Variants in HEATR6 observed in about 807,000 individuals in gnomAD.
HEATR6 encodes the protein HEAT repeat containing 6, also known as HEAT repeat-containing protein 6.
A neutral mutation model predicts 132.8 loss-of-function variants in HEATR6; 106 were observed. That is an observed-to-expected ratio of 0.80 (90% CI 0.68 to 0.94). HEATR6 has a LOEUF of 0.94. Ranked by LOEUF, HEATR6 falls within the 40% of genes least tolerant of loss-of-function variation. The pLI is 0.00. For synonymous variants in HEATR6, 529 were observed against 537.8 expected, an observed-to-expected ratio of 0.98 and a Z score of 0.23; for missense variants, 1,339 against 1,425.1, an observed-to-expected ratio of 0.94 and a Z score of 0.97.
At chr17:60,070,637 G>T in intron 6 of HEATR6, 69 bp downstream of exon 6, 1 of 847,358 alleles carries the variant, frequency 1.2e-6, no homozygotes, top group Non-Finnish European at 2.0e-6. Context: ...TTAGAATAAG[G>T]ATGTAAAGTG....
At position 60,043,917 on chromosome 17, in the gene HEATR6, G is replaced by A; in HGVS notation, c.3192C>T (p.Tyr1064=). 2 of 1,614,118 alleles carry A rather than the reference G, an allele frequency of 1.2e-6. No homozygotes were observed. Among genetic ancestry groups the A allele is most frequent in the Non-Finnish European group, 8.5e-7 (1 of 1,179,996 alleles). Reference sequence around the variant, plus strand: ...AGATTTGGGTCCGTAGGCTGACACAGTACTTGAATTCCAAAAAGTCTATGG... The same window carrying A: ...AGATTTGGGTCCGTAGGCTGACACAATACTTGAATTCCAAAAAGTCTATGG... The part of the protein sequence containing the change: ...EDTIDFLEFK[Y]CVSLRTQICQ... Residue 1064 remains tyrosine, a synonymous_variant, in exon 20 of 20, where the codon TAC becomes TAT. Coordinates refer to ENST00000184956, the MANE Select transcript of HEATR6 (RefSeq NM_022070.5).
intron 17 of HEATR6, among the ~76,000 whole-genome samples, chr17:60,048,002 T>C (rs2145180327): frequency 6.6e-6 from 1 of 152,362 alleles, no homozygotes; most frequent in East Asian, 1.9e-4. Flanking sequence ...GGTTTTGCTT[T>C]TATGTTTTCT....
At chr17:60,055,726 C>T (rs1317374867) in intron 13 of HEATR6, 125 bp from the exon 14 acceptor site, 1 of 583,454 alleles carries the variant, frequency 1.7e-6, no homozygotes, top group Non-Finnish European at 3.0e-6. Context: ...CACCTTCACT[C>T]GAGTGACACC....
intron 7 of HEATR6, 100 bp from the exon 8 acceptor site, chr17:60,067,832 C>A: frequency 1.1e-6 from 1 of 916,372 alleles, no homozygotes; most frequent in Non-Finnish European, 1.6e-6. Flanking sequence ...AATATGTCCC[C>A]AACATGTAGT....
At chr17:60,048,961 A>AAAAT (rs141340152) in intron 16 of HEATR6, among the ~76,000 whole-genome samples, 30 of 103,028 alleles carry the variant, frequency 2.9e-4, no homozygotes, top group African/African-American at 1.7e-3. Context: ...TTAAAAATTA[A>AAAAT]AAATAAATAA....
chr17:60,073,629 G>C, intron 3 of HEATR6, 117 bp downstream of exon 3: 4 of 950,594 alleles, frequency 4.2e-6, no homozygotes, highest in Non-Finnish European at 6.4e-6. Flanking sequence ...ACAAGGCCCA[G>C]AGTGGTTGAA....
chr17:60,078,166 T>C (rs141333951), intron 1 of HEATR6, among the ~76,000 whole-genome samples: 33 of 152,230 alleles, frequency 2.2e-4, no homozygotes, highest in African/African-American at 4.8e-4. Flanking sequence ...TAAGGCCTGA[T>C]GTGTGTAAGA....
At chr17:60,050,282 C>T (rs561884276) in intron 15 of HEATR6, among the ~76,000 whole-genome samples, 14 of 152,300 alleles carry the variant, frequency 9.2e-5, no homozygotes, top group Non-Finnish European at 1.9e-4. Context: ...GGCACCAAAT[C>T]TGTGTCTGTC....
chr17:60,049,437 A>T, intron 16 of HEATR6, 143 bp downstream of exon 16: 1 of 941,094 alleles, frequency 1.1e-6, no homozygotes, highest in Non-Finnish European at 1.5e-6. Flanking sequence ...GCCCATGACC[A>T]TATTTTAGTA....
chr17:60,067,017 T>C (rs932076593), intron 8 of HEATR6, among the ~76,000 whole-genome samples: 1 of 152,080 alleles, frequency 6.6e-6, no homozygotes, highest in Admixed American at 6.5e-5. Flanking sequence ...ACGCCTGTAA[T>C]CCCAGCACTT....
intron 4 of HEATR6, among the ~76,000 whole-genome samples, chr17:60,072,780 G>A (rs2083276763): frequency 6.6e-6 from 1 of 152,150 alleles, no homozygotes; most frequent in Non-Finnish European, 1.5e-5. Flanking sequence ...AGCAGCTGGG[G>A]CTGTTTCCAT....
At position 60,043,490 on chromosome 17, in the gene HEATR6, T is replaced by C; in HGVS notation, c.*73A>G. 2 of 1,205,424 alleles carry C rather than the reference T, an allele frequency of 1.7e-6. No homozygotes were observed. Among genetic ancestry groups the C allele is most frequent in the Non-Finnish European group, 2.4e-6 (2 of 845,972 alleles). The allele number at this position is 1,205,424 out of a possible 1,614,324, so 74.7% of individuals were successfully genotyped here. ...GATTGTTTCTGCCCCTAAGATGAAA[T>C]CCCACAGATCTTATGCTCAAGCTCA... On this transcript the variant is annotated 3_prime_UTR_variant, in exon 20 of 20. Coordinates refer to ENST00000184956, the MANE Select transcript of HEATR6 (RefSeq NM_022070.5).
At chr17:60,072,115 G>T in intron 5 of HEATR6, 100 bp downstream of exon 5, 1 of 477,980 alleles carries the variant, frequency 2.1e-6, no homozygotes, top group Non-Finnish European at 3.7e-6. Flanking sequence ...TATTTCTCTA[G>T]ACGAAGCTAA....
chr17:60,048,478 C>A, intron 16 of HEATR6, 90 bp from the exon 17 acceptor site: 1 of 1,217,076 alleles, frequency 8.2e-7, no homozygotes, highest in Admixed American at 2.4e-5. Context: ...AAGCTAGAAG[C>A]CTTCATGCAC....
chr17:60,067,384 T>C (rs186841018), intron 8 of HEATR6, 50 bp downstream of exon 8: 39 of 1,342,084 alleles, frequency 2.9e-5, no homozygotes, highest in Middle Eastern at 1.9e-4. Flanking sequence ...GTTATAAACT[T>C]ACATGCAACT....
At chr17:60,074,151 C>T (rs1343317187) in intron 2 of HEATR6, 1 of 1,177,822 alleles carries the variant, frequency 8.5e-7, no homozygotes, top group East Asian at 4.2e-5. Context: ...ACTAACCAGA[C>T]ATTGGCAGCT....
intron 9 of HEATR6, 64 bp downstream of exon 9, chr17:60,066,145 A>T (rs960517824): frequency 7.4e-7 from 1 of 1,352,446 alleles, no homozygotes. Context: ...TAAGGCAGAG[A>T]TAACAATAAG....
intron 16 of HEATR6, among the ~76,000 whole-genome samples, chr17:60,049,369 A>T (rs1449443258): frequency 6.6e-6 from 1 of 152,030 alleles, no homozygotes; most frequent in Non-Finnish European, 1.5e-5. Flanking sequence ...AGCTCAAGCA[A>T]TCCACCCGCC....
chr17:60,065,600 G>C (rs573449859), intron 9 of HEATR6, among the ~76,000 whole-genome samples: 2 of 152,296 alleles, frequency 1.3e-5, no homozygotes, highest in African/African-American at 4.8e-5. Context: ...TAAGCCATGA[G>C]ATATCTTGCT....
Sources: allele counts gnomAD v4.1 joint callset (sites outside exome capture counted in the v4.1 genomes callset), GRCh38; gene constraint gnomAD v4.1.1; transcripts MANE v1.5; gene names NCBI Gene and HGNC (gene_info 2026-07-23, HGNC 2026-07-21).